Variants in BRINP1 observed in about 807,000 individuals in gnomAD.
The protein encoded by BRINP1 is BMP/retinoic acid-inducible neural-specific protein 1.
BRINP1 carries 17 observed loss-of-function variants against 72.9 expected under a neutral mutation model. That is an observed-to-expected ratio of 0.23 (90% confidence interval 0.16 to 0.35). The LOEUF (loss-of-function observed/expected upper bound fraction) is 0.35. BRINP1 is among the 10% of genes least tolerant of loss of function. The pLI is 1.00. For missense variants in BRINP1, 850 were observed against 1,001.6 expected (o/e 0.85, Z 2.04); for synonymous variants, 418 against 378.5 (o/e 1.10, Z -1.21).
chr9:119,343,722 T>A (rs1219234855), intron 1 of BRINP1, among the ~76,000 whole-genome samples: 1 of 152,154 alleles, frequency 6.6e-6, no homozygotes, highest in Admixed American at 6.5e-5. Context: ...TGAGATGCAC[T>A]ATCTGCCTGA....
intron 7 of BRINP1, among the ~76,000 whole-genome samples, chr9:119,208,225 C>T (rs62570364): frequency 0.25 from 38,161 of 151,952 alleles, 5,259 homozygotes; most frequent in African/African-American, 0.36. Context: ...TCAATGACCC[C>T]GCAAGTGTCT....
intron 7 of BRINP1, among the ~76,000 whole-genome samples, chr9:119,205,291 CA>C (rs1829841966): frequency 6.6e-6 from 1 of 152,146 alleles, no homozygotes; most frequent in South Asian, 2.1e-4. Flanking sequence ...CAAAATTCCT[CA>C]AATTAATATA....
At chr9:119,290,451 C>T (rs1223650149) in intron 2 of BRINP1, among the ~76,000 whole-genome samples, 1 of 152,120 alleles carries the variant, frequency 6.6e-6, no homozygotes, top group East Asian at 1.9e-4. Context: ...AGTCCCCTGA[C>T]CAATGATTGT....
intron 1 of BRINP1, among the ~76,000 whole-genome samples, chr9:119,366,790 T>C (rs1368729433): frequency 2.6e-5 from 4 of 151,966 alleles, no homozygotes; most frequent in African/African-American, 9.7e-5. Flanking sequence ...TCTAGCTGAT[T>C]GATAAGCCTA....
chr9:119,185,096 C>T (rs1428383764), intron 7 of BRINP1, among the ~76,000 whole-genome samples: 2 of 152,036 alleles, frequency 1.3e-5, no homozygotes, highest in Non-Finnish European at 1.5e-5. Context: ...TGGGTACTTC[C>T]GGTGGTAGTT....
At chr9:119,186,584 C>T (rs746553822) in intron 7 of BRINP1, among the ~76,000 whole-genome samples, 7 of 152,106 alleles carry the variant, frequency 4.6e-5, no homozygotes, top group Admixed American at 1.3e-4. Flanking sequence ...GCCCAGGGAG[C>T]AGCCACAACC....
chr9:119,219,695 G>GAA (rs1491171142), intron 5 of BRINP1, among the ~76,000 whole-genome samples: 1 of 112,618 alleles, frequency 8.9e-6, no homozygotes, highest in African/African-American at 3.2e-5. Flanking sequence ...GAGAGAGAGA[G>GAA]AAAGAGATGT....
At chr9:119,231,637 TC>T (rs1830149562) in intron 5 of BRINP1, among the ~76,000 whole-genome samples, 2 of 152,090 alleles carry the variant, frequency 1.3e-5, no homozygotes, top group East Asian at 3.9e-4. Flanking sequence ...TTGCTAAATA[TC>T]ATCCTCAGTT....
At chr9:119,358,489 T>A (rs1177228948) in intron 1 of BRINP1, among the ~76,000 whole-genome samples, 2 of 148,374 alleles carry the variant, frequency 1.3e-5, no homozygotes, top group Non-Finnish European at 3.0e-5. Flanking sequence ...AGGTCAGGAG[T>A]TCTAGACCAG....
intron 1 of BRINP1, among the ~76,000 whole-genome samples, chr9:119,356,511 ATGTT>A (rs1266413183): frequency 6.6e-6 from 1 of 152,132 alleles, no homozygotes; most frequent in Non-Finnish European, 1.5e-5. Context: ...TCAATAAACA[ATGTT>A]TGTTTAGCTG....
chr9:119,272,774 C>G (rs915925749), intron 2 of BRINP1, among the ~76,000 whole-genome samples: 1 of 152,204 alleles, frequency 6.6e-6, no homozygotes, highest in African/African-American at 2.4e-5. Context: ...GAGACTGACA[C>G]TTTTCCATGG....
At position 119,167,974 on chromosome 9, in the gene BRINP1, C is replaced by T. The variant is rs758271912; in HGVS notation, c.1396G>A (p.Val466Met). The stretch of plus-strand genomic sequence containing the variant: ...AACTGCTCGCTCCGCTCCGAGTCCA[C>T]GTTCTGTGGTTCACAGCGGCCTCGA... Reference protein sequence around the residue: ...LYRGRCEPQNVDSERSEQFIS... With the variant: ...LYRGRCEPQNMDSERSEQFIS... The change falls in exon 8 of 8, where the codon GTG becomes ATG. Residue 466 changes from valine (V) to methionine (M), a missense_variant. Coordinates refer to ENST00000265922, the MANE Select transcript of BRINP1 (RefSeq NM_014618.3). The surrounding 1 kb of genome is among the most constrained non-coding windows in gnomAD (Gnocchi z 4.3). 28 of 1,614,102 alleles carry T rather than the reference C, an allele frequency of 1.7e-5. No homozygotes were observed. The highest frequency in any genetic ancestry group is 1.3e-4 in the South Asian group (12 of 91,092).
intron 1 of BRINP1, among the ~76,000 whole-genome samples, chr9:119,340,588 G>A (rs974587951): frequency 9.9e-5 from 15 of 152,168 alleles, no homozygotes; most frequent in Non-Finnish European, 1.8e-4. Context: ...ATTCTATATA[G>A]GGCTCAGAAG....
chr9:119,205,512 C>T (rs1829844769), intron 7 of BRINP1, among the ~76,000 whole-genome samples: 1 of 152,180 alleles, frequency 6.6e-6, no homozygotes, highest in African/African-American at 2.4e-5. Flanking sequence ...GATGCAGACA[C>T]CTGCACTGAG....
At chr9:119,331,381 A>G (rs1207916800) in intron 1 of BRINP1, among the ~76,000 whole-genome samples, 2 of 152,190 alleles carry the variant, frequency 1.3e-5, no homozygotes, top group African/African-American at 4.8e-5. Context: ...CAATCACATG[A>G]TTTTGTTGTT....
chr9:119,270,809 C>T (rs1214380312), intron 2 of BRINP1, among the ~76,000 whole-genome samples: 2 of 152,108 alleles, frequency 1.3e-5, no homozygotes, highest in Non-Finnish European at 2.9e-5. Flanking sequence ...TTGACATTCC[C>T]ATTCACTTTC....
At chr9:119,338,580 AGGCGGGGTGGG>A (rs1329370486) in intron 1 of BRINP1, among the ~76,000 whole-genome samples, 1 of 111,444 alleles carries the variant, frequency 9.0e-6, no homozygotes, top group Non-Finnish European at 1.8e-5. Context: ...ATCAAAAAAC[AGGCGGGGTGGG>A]GGCGGGCGCG....
chr9:119,317,222 C>G (rs1000840015), intron 1 of BRINP1, among the ~76,000 whole-genome samples: 1 of 152,064 alleles, frequency 6.6e-6, no homozygotes. Flanking sequence ...ATTCTAGATG[C>G]CATTAAGAAC....
intron 5 of BRINP1, among the ~76,000 whole-genome samples, chr9:119,224,363 A>C (rs1830071011): frequency 6.6e-6 from 1 of 152,100 alleles, no homozygotes; most frequent in Admixed American, 6.6e-5. Flanking sequence ...TGTATGCCAC[A>C]GAATCACAAA....
Sources: gnomAD v4.1 joint callset for allele counts (sites outside exome capture counted in the v4.1 genomes callset) on GRCh38, gnomAD v4.1.1 for gene constraint, Gnocchi (gnomAD v3.1) non-coding constraint, MANE v1.5 for transcripts, NCBI Gene and HGNC (gene_info 2026-07-23, HGNC 2026-07-21) for gene names.